Variants in RSBN1 observed in about 807,000 individuals in gnomAD.
RSBN1 encodes round spermatid basic protein 1, also known as lysine-specific demethylase 9.
In RSBN1, 23 loss-of-function variants were observed where a neutral mutation model predicts 74.8. The observed-to-expected ratio is 0.31, with a 90% CI of 0.22 to 0.44. RSBN1 has a LOEUF of 0.44. RSBN1 is among the 20% of genes least tolerant of loss of function. The probability of loss-of-function intolerance (pLI) is 1.00; values close to 1 mark genes in which losing one functional copy is unlikely to be tolerated. For synonymous variants in RSBN1, 407 were observed against 379.6 expected (o/e 1.07, Z -0.84); for missense variants, 808 against 1,020.9 (o/e 0.79, Z 2.84).
chr1:113,811,138 G>T (rs938712338), intron 1 of RSBN1, among the ~76,000 whole-genome samples: 10 of 152,150 alleles, frequency 6.6e-5, no homozygotes, highest in African/African-American at 2.4e-4. Flanking sequence ...CCTATTCTAA[G>T]AATTTAAATA....
At chr1:113,773,273 C>A (rs1659916297) in intron 4 of RSBN1, among the ~76,000 whole-genome samples, 1 of 152,178 alleles carries the variant, frequency 6.6e-6, no homozygotes, top group Non-Finnish European at 1.5e-5. Flanking sequence ...GCCTGAAATC[C>A]CAGCACTTTG....
At chr1:113,802,895 G>T (rs1440005660) in intron 1 of RSBN1, among the ~76,000 whole-genome samples, 1 of 152,102 alleles carries the variant, frequency 6.6e-6, no homozygotes. Flanking sequence ...GTTCACTCTT[G>T]TTGTACATTC....
At position 113,768,525 on chromosome 1, in the gene RSBN1, A is replaced by G. The variant is rs141005613; in HGVS notation, c.1659-136T>C. The stretch of plus-strand genomic sequence containing the variant: ...TAAGATGAGGACTGAGAAGGGTTCA[A>G]TGATTATGATCATTAGCATTTAACA... On this transcript the variant is annotated intron_variant, in intron 4 of 6. Transcript: ENST00000261441. The G allele has an allele frequency of 1.8e-3, 1,031 of 568,778 alleles. 6 individuals carry two copies. Among genetic ancestry groups the G allele is most frequent in the African/African-American group, 0.018 (953 of 53,578 alleles). 35.2% of individuals were successfully genotyped at this position (568,778 alleles called of 1,614,324 possible).
In RSBN1 at chr1:113,812,126, G is replaced by C. The variant is rs748091071; in HGVS notation, c.287C>G (p.Ser96Cys). The change falls in exon 1 of 7, where the codon TCT becomes TGT. Residue 96 changes from serine (S) to cysteine (C), a missense_variant. Physicochemically the swap from Ser to Cys is moderately radical, Grantham distance 112 (BLOSUM62 -1). Around this residue, in one of 6 missense-constraint regions of RSBN1, gnomAD observed 464 missense variants for 401.0 expected, o/e 1.16. Transcript: ENST00000261441. ...GCTCGGCCGCCCCCGCTTCTCCTGA[G>C]ACCCCCCACTGCTAGATCGGCGCTG... is the stretch of plus-strand genomic sequence containing the variant. ...KRQRRSSSGG[S>C]QEKRGRPSQE... is the part of the protein sequence containing the mutation. The C allele has an allele frequency of 6.2e-7, 1 of 1,607,734 alleles. No individual in the cohort carries two copies.
chr1:113,765,561 T>C lies in RSBN1; in HGVS notation c.*419A>G, dbSNP rs1659762108. The C allele has an allele frequency of 6.3e-6, 1 of 159,812 alleles. No homozygotes were observed. The highest frequency in any genetic ancestry group is 1.8e-4 in the South Asian group (1 of 5,558). The allele number at this position is 159,812 out of a possible 1,614,324, so 9.9% of individuals were successfully genotyped here. A position where few individuals can be genotyped will look rare whatever the true frequency, so the allele number is the denominator to read the frequency against. On this transcript the variant is annotated 3_prime_UTR_variant, in exon 7 of 7. Transcript: ENST00000261441. ...CCATTTTCACTGTAGAAATTGAACC[T>C]GTGCCATAAAGACACAAGTACTAAA...
chr1:113,767,968 T>C, intron 5 of RSBN1: 1 of 300,646 alleles, frequency 3.3e-6, no homozygotes, highest in Non-Finnish European at 6.1e-6. Context: ...AGCCTGGGGG[T>C]GAGAGTAAAA....
Position 113,762,104 on chromosome 1 carries a change from A to G in RSBN1, c.*3876T>C, listed in dbSNP as rs1659690098. 1 of 152,802 alleles carries G rather than the reference A, an allele frequency of 6.5e-6. No homozygotes were observed. Among genetic ancestry groups the G allele is most frequent in the South Asian group, 2.1e-4 (1 of 4,826 alleles). 9.5% of individuals were successfully genotyped at this position (152,802 alleles called of 1,614,324 possible). On this transcript the variant is annotated 3_prime_UTR_variant, in exon 7 of 7. Transcript: ENST00000261441. ...CCAGGCAAATATACATTTCATCTAT[A>G]TGCAAAGACCTCTTAGATAAATAAA...
chr1:113,790,084 A>G (rs1021609344), intron 2 of RSBN1, among the ~76,000 whole-genome samples: 3 of 152,166 alleles, frequency 2.0e-5, no homozygotes, highest in Non-Finnish European at 2.9e-5. Flanking sequence ...GGAAAAGTTT[A>G]TTTAGAGAAA....
In RSBN1 at chr1:113,797,941, G is replaced by A. The variant is rs766154261; in HGVS notation, c.799C>T (p.Arg267Ter). 1 of 1,613,430 alleles carries A rather than the reference G, an allele frequency of 6.2e-7. No individual in the cohort carries two copies. The change falls in exon 2 of 7, where the codon CGA becomes TGA. Residue 267 changes from arginine to a stop codon, truncating the protein, a stop_gained. Transcript: ENST00000261441. LOFTEE classifies it high-confidence loss of function. The part of the protein sequence containing the change: ...KKKKKHREDM[R>*]GRRLKMYNKE... ...TTGTACATTTTAAGGCGTCTTCCTC[G>A]CATGTCTTCTCGGTGTTTCTTTTTC... is the stretch of plus-strand genomic sequence containing the variant.
intron 2 of RSBN1, among the ~76,000 whole-genome samples, chr1:113,790,932 C>A (rs372477819): frequency 2.1e-4 from 32 of 152,262 alleles, no homozygotes; most frequent in African/African-American, 7.7e-4. Context: ...GAACTAGCAA[C>A]CCCAAATTAT....
intron 2 of RSBN1, among the ~76,000 whole-genome samples, chr1:113,786,589 G>A (rs60234629): frequency 3.2e-4 from 48 of 152,274 alleles, no homozygotes; most frequent in Non-Finnish European, 5.9e-4. Context: ...GGAAATGTAA[G>A]ACACAAGAAG....
At chr1:113,770,092 T>G (rs1295291512) in intron 4 of RSBN1, among the ~76,000 whole-genome samples, 2 of 152,176 alleles carry the variant, frequency 1.3e-5, no homozygotes, top group Non-Finnish European at 2.9e-5. Flanking sequence ...GGTAAGCTCA[T>G]TTCCCCTGAC....
intron 1 of RSBN1, among the ~76,000 whole-genome samples, chr1:113,804,766 A>G (rs904484630): frequency 2.9e-4 from 44 of 152,232 alleles, no homozygotes; most frequent in Non-Finnish European, 1.0e-4. Context: ...TATAATCCCA[A>G]TAATTCTCCA....
chr1:113,798,115 TA>T (rs1430201442), intron 1 of RSBN1, 79 bp from the exon 2 acceptor site: 1 of 1,223,778 alleles, frequency 8.2e-7, no homozygotes, highest in African/African-American at 1.5e-5. Context: ...TTGATCTCAT[TA>T]AATAGCCTAT....
At chr1:113,770,900 C>T (rs1557994681) in intron 4 of RSBN1, among the ~76,000 whole-genome samples, 1 of 151,924 alleles carries the variant, frequency 6.6e-6, no homozygotes, top group African/African-American at 2.4e-5. Context: ...ACCAGGAGCT[C>T]TATTATTCAA....
intron 2 of RSBN1, among the ~76,000 whole-genome samples, chr1:113,796,479 C>G (rs536178455): frequency 6.6e-5 from 10 of 151,862 alleles, no homozygotes; most frequent in Non-Finnish European, 1.5e-4. Flanking sequence ...AGTCTTATTA[C>G]GGCAACAATC....
intron 1 of RSBN1, among the ~76,000 whole-genome samples, chr1:113,802,313 G>GAA (rs1014966060): frequency 5.6e-5 from 7 of 124,112 alleles, no homozygotes; most frequent in Admixed American, 1.6e-4. Flanking sequence ...TTAGAAGTCG[G>GAA]AAAAAAAAAA....
At chr1:113,805,534 T>G (rs998315) in intron 1 of RSBN1, among the ~76,000 whole-genome samples, 7 of 152,158 alleles carry the variant, frequency 4.6e-5, no homozygotes, top group African/African-American at 1.4e-4. Context: ...CCAGTGTGCA[T>G]AGCAGAAAGA....
chr1:113,788,877 C>G (rs1043671726), intron 2 of RSBN1, among the ~76,000 whole-genome samples: 1 of 151,992 alleles, frequency 6.6e-6, no homozygotes, highest in Non-Finnish European at 1.5e-5. Context: ...ACCTTGCCCC[C>G]ACCCCGACCC....
Sources: allele counts gnomAD v4.1 joint callset (sites outside exome capture counted in the v4.1 genomes callset), GRCh38; gene constraint gnomAD v4.1.1; regional missense constraint gnomAD v4.1.1; transcripts MANE v1.5; gene names NCBI Gene and HGNC (gene_info 2026-07-23, HGNC 2026-07-21).